The following GNAL variants were observed in gnomAD, a reference collection of about 807,000 sequenced individuals.
GNAL encodes guanine nucleotide-binding protein G(olf) subunit alpha.
A neutral mutation model predicts 55.1 loss-of-function variants in GNAL; 18 were observed. The observed-to-expected ratio is 0.33, with a 90% confidence interval of 0.23 to 0.48. The LOEUF (loss-of-function observed/expected upper bound fraction) is 0.48. Among genes scored for constraint, GNAL ranks in the 20% least tolerant of loss-of-function variants. GNAL has a pLI of 0.99. For missense variants in GNAL, 412 were observed against 614.1 expected (o/e 0.67, Z 3.48); for synonymous variants, 253 against 237.0 (o/e 1.07, Z -0.62).
At chr18:11,845,744 G>A (rs971804037) in intron 5 of GNAL, among the ~76,000 whole-genome samples, 11 of 150,558 alleles carry the variant, frequency 7.3e-5, no homozygotes, top group Non-Finnish European at 1.5e-4. Flanking sequence ...AGGGAGGGAG[G>A]GAGAGAGGGA....
chr18:11,815,534 G>A lies in GNAL; in HGVS notation c.625-9384G>A, dbSNP rs576791094. Among the ~76,000 whole-genome samples, 444 of 152,196 alleles carry A rather than the reference G, an allele frequency of 2.9e-3. 5 individuals are homozygous for A. The highest frequency in any genetic ancestry group is 9.9e-3 in the African/African-American group (410 of 41,528). On this transcript the variant is annotated intron_variant, in intron 4 of 11. Coordinates refer to ENST00000334049, the MANE Select transcript of GNAL (RefSeq NM_182978.4). Reference sequence around the variant, plus strand: ...ACACTTTTAAACAAGCAGCTCTCACGAGCACTAAGTCACCGAGGGGGAAGT... The same window carrying A: ...ACACTTTTAAACAAGCAGCTCTCACAAGCACTAAGTCACCGAGGGGGAAGT...
intron 4 of GNAL, among the ~76,000 whole-genome samples, chr18:11,771,429 A>G (rs537302413): frequency 7.1e-4 from 107 of 151,486 alleles, no homozygotes; most frequent in South Asian, 1.5e-3. Context: ...TTTTTTTTCT[A>G]AATGATGACC....
At chr18:11,860,611 G>A (rs1408172954) in intron 5 of GNAL, among the ~76,000 whole-genome samples, 1 of 152,190 alleles carries the variant, frequency 6.6e-6, no homozygotes, top group Admixed American at 6.5e-5. Context: ...TTAGGACCGA[G>A]AGCTAATATA....
chr18:11,779,828 C>T (rs1383445312), intron 4 of GNAL, among the ~76,000 whole-genome samples: 2 of 152,182 alleles, frequency 1.3e-5, no homozygotes, highest in Non-Finnish European at 2.9e-5. Flanking sequence ...CACTTGAATA[C>T]TCTTGCAGTT....
intron 1 of GNAL, among the ~76,000 whole-genome samples, chr18:11,721,472 G>A (rs1170294926): frequency 1.3e-5 from 2 of 151,956 alleles, no homozygotes; most frequent in African/African-American, 2.4e-5. Flanking sequence ...TAGTCTCACC[G>A]GCTGGACACG....
chr18:11,805,245 G>T (rs575822346), intron 4 of GNAL, among the ~76,000 whole-genome samples: 1 of 151,346 alleles, frequency 6.6e-6, no homozygotes, highest in Admixed American at 6.6e-5. Flanking sequence ...AAGTACAGGT[G>T]CAGTTTGAGT....
intron 1 of GNAL, among the ~76,000 whole-genome samples, chr18:11,708,288 C>A (rs1333765432): frequency 1.3e-5 from 2 of 152,028 alleles, no homozygotes; most frequent in African/African-American, 4.8e-5. Flanking sequence ...TATTAAATGG[C>A]CCTAATTTCA....
At chr18:11,855,044 CTG>C (rs2035973058) in intron 5 of GNAL, among the ~76,000 whole-genome samples, 1 of 115,410 alleles carries the variant, frequency 8.7e-6, no homozygotes, top group Non-Finnish European at 1.7e-5. Flanking sequence ...CCTCAGCCCC[CTG>C]AGTAGCTGGG....
intron 4 of GNAL, among the ~76,000 whole-genome samples, chr18:11,814,353 C>T (rs548742987): frequency 2.2e-4 from 34 of 151,922 alleles, no homozygotes; most frequent in East Asian, 2.1e-3. Flanking sequence ...GGTGAAACCC[C>T]GTCTCTATCA....
chr18:11,847,209 C>A (rs1468169896), intron 5 of GNAL, among the ~76,000 whole-genome samples: 1 of 151,944 alleles, frequency 6.6e-6, no homozygotes, highest in Non-Finnish European at 1.5e-5. Flanking sequence ...CCAGAGGTCA[C>A]CATGCCACAC....
In GNAL at chr18:11,689,688, G is replaced by A. The variant is rs920804434; in HGVS notation, c.125G>A (p.Arg42Gln). 7 of 1,463,930 alleles carry A rather than the reference G, an allele frequency of 4.8e-6. No individual in the cohort carries two copies. The African/African-American group carries it at 1.0e-4, about 22-fold the overall frequency. 90.7% of individuals were successfully genotyped at this position (1,463,930 alleles called of 1,614,324 possible). Residue 42 changes from arginine to glutamine, a missense_variant, in exon 1 of 12, where the codon CGG (arginine) becomes CAG (glutamine). Physicochemically the swap from Arg to Gln is conservative, Grantham distance 43 (BLOSUM62 1). This residue lies in a region of GNAL where 228 missense variants were observed against 194.8 expected (regional missense o/e 1.17). Coordinates refer to ENST00000334049, the MANE Select transcript of GNAL (RefSeq NM_182978.4). ...CCGGCCCCGGCCCTGGCCCCAGTCC[G>A]GGCGGCCGCAAGGGACACGGCCCGG... ...PAPAPALAPV[R>Q]AAARDTARTL...
chr18:11,741,621 TG>T (rs992321337), intron 1 of GNAL, among the ~76,000 whole-genome samples: 2 of 152,190 alleles, frequency 1.3e-5, no homozygotes, highest in African/African-American at 4.8e-5. Flanking sequence ...GTATAGTAGG[TG>T]TTCAAAGAAT....
chr18:11,880,749 C>T (rs1321512814), intron 11 of GNAL, among the ~76,000 whole-genome samples: 2 of 152,140 alleles, frequency 1.3e-5, no homozygotes, highest in African/African-American at 4.8e-5. Context: ...GACTTGCCTG[C>T]CGGGGCTTTC....
chr18:11,873,989 T>C (rs1336220289), intron 10 of GNAL: 4 of 152,734 alleles, frequency 2.6e-5, no homozygotes, highest in Non-Finnish European at 1.5e-5. Context: ...GTCACTCACC[T>C]TTCCAGAACA....
chr18:11,703,263 C>G (rs376862075), intron 1 of GNAL, among the ~76,000 whole-genome samples: 1 of 152,208 alleles, frequency 6.6e-6, no homozygotes, highest in African/African-American at 2.4e-5. Context: ...CAGAACGCTC[C>G]GCACGTTGTG....
At chr18:11,842,430 T>A (rs1439728268) in intron 5 of GNAL, among the ~76,000 whole-genome samples, 1 of 152,198 alleles carries the variant, frequency 6.6e-6, no homozygotes, top group African/African-American at 2.4e-5. Flanking sequence ...TTTACTGTGC[T>A]CTTCTATTAC....
chr18:11,710,958 C>A (rs2031823785), intron 1 of GNAL, among the ~76,000 whole-genome samples: 1 of 151,268 alleles, frequency 6.6e-6, no homozygotes, highest in Non-Finnish European at 1.5e-5. Flanking sequence ...TCACTGCAAG[C>A]CCCACCTCCC....
Position 11,860,781 on chromosome 18 carries a change from A to G in GNAL, c.723-1614A>G, listed in dbSNP as rs8084874. 4.2e-3 allele frequency among the ~76,000 whole-genome samples: 632 copies of G among 152,260 alleles called. 2 individuals carry two copies. The highest frequency in any genetic ancestry group is 0.014 in the African/African-American group (562 of 41,562). ...CAGGGTGGACTCCGAACCCCTGGTG[A>G]TAAGAACATTCTCCTCTTCCTGGTA... On this transcript the variant is annotated intron_variant, in intron 5 of 11. Coordinates refer to ENST00000334049, the MANE Select transcript of GNAL (RefSeq NM_182978.4).
intron 4 of GNAL, among the ~76,000 whole-genome samples, chr18:11,823,505 C>T (rs1364249654): frequency 2.0e-5 from 3 of 152,192 alleles, no homozygotes; most frequent in Non-Finnish European, 4.4e-5. Flanking sequence ...CACTTCTACT[C>T]CCCTTCCAAG....
Sources: allele counts gnomAD v4.1 joint callset (sites outside exome capture counted in the v4.1 genomes callset), GRCh38; gene constraint gnomAD v4.1.1; regional missense constraint gnomAD v4.1.1; transcripts MANE v1.5; gene names NCBI Gene and HGNC (gene_info 2026-07-23, HGNC 2026-07-21).